ADAMTS17: variants seen among roughly 807,000 people sequenced by gnomAD.
The protein encoded by ADAMTS17 is A disintegrin and metalloproteinase with thrombospondin motifs 17.
A neutral mutation model predicts 141.5 loss-of-function variants in ADAMTS17; 113 were observed. The observed-to-expected ratio is 0.80, with a 90% confidence interval of 0.69 to 0.93. The LOEUF (loss-of-function observed/expected upper bound fraction) is 0.93. ADAMTS17 is among the 40% of genes least tolerant of loss of function. The pLI is 0.00. For synonymous variants in ADAMTS17, 768 were observed against 630.6 expected (o/e 1.22, Z -3.27); for missense variants, 1,659 against 1,517.9 (o/e 1.09, Z -1.54).
chr15:100,232,015 C>A (rs926889869), intron 7 of ADAMTS17, among the ~76,000 whole-genome samples: 4 of 152,140 alleles, frequency 2.6e-5, no homozygotes, highest in Admixed American at 6.5e-5. Context: ...TAGAACTCAA[C>A]AGAGTAACAA....
chr15:99,978,183 G>T (rs1355638736), intron 20 of ADAMTS17, among the ~76,000 whole-genome samples: 40 of 152,210 alleles, frequency 2.6e-4, no homozygotes, highest in Non-Finnish European at 1.5e-4. Flanking sequence ...GACACAGGCT[G>T]CGTGGGAGGC....
At chr15:100,263,006 A>G (rs190001737) in intron 4 of ADAMTS17, among the ~76,000 whole-genome samples, 1 of 152,342 alleles carries the variant, frequency 6.6e-6, no homozygotes, top group East Asian at 1.9e-4. Context: ...ACGTGTGCAA[A>G]CATACATATA....
rs201157118 is a variant in ADAMTS17, at chr15:100,261,574, G to A, written c.936C>T (p.Asn312=). The A allele has an allele frequency of 1.5e-5, 25 of 1,614,098 alleles. No homozygotes were observed. The highest frequency in any genetic ancestry group is 5.5e-5 in the South Asian group (5 of 91,066). Residue 312 remains asparagine (N), a synonymous_variant, in exon 6 of 22, where the codon AAC becomes AAT. Transcript: ENST00000268070. ...RSLESFCHWQ[N]EEYGGARYLG... ...GGTATCGCGCTCCTCCATACTCCTC[G>A]TTCTGCCAGTGACAGAAGCTCTCCA...
Position 100,341,518 on chromosome 15 carries a change from G to A in ADAMTS17, c.80-109C>T, listed in dbSNP as rs942605812. Reference sequence around the variant, plus strand: ...GGGGACAGCGCGACCCGGAGCCGGCGCTGCCTTCCCTTCCCTCGCCCGGCA... The same window carrying A: ...GGGGACAGCGCGACCCGGAGCCGGCACTGCCTTCCCTTCCCTCGCCCGGCA... On this transcript the variant is annotated intron_variant, in intron 1 of 21. Coordinates refer to ENST00000268070, the MANE Select transcript of ADAMTS17 (RefSeq NM_139057.4). The A allele has an allele frequency of 3.1e-6, 3 of 967,252 alleles. No individual in the cohort carries two copies. The African/African-American group carries it at 5.3e-5, about 17-fold the overall frequency. The allele number at this position is 967,252 out of a possible 1,614,324, so 59.9% of individuals were successfully genotyped here.
intron 8 of ADAMTS17, among the ~76,000 whole-genome samples, chr15:100,173,725 C>G (rs1306426801): frequency 6.6e-6 from 1 of 152,236 alleles, no homozygotes; most frequent in African/African-American, 2.4e-5. Flanking sequence ...GCTATTACTG[C>G]TGGCTGCATG....
At chr15:99,977,376 ATATATATATATATATATATATATAATTT>A (rs1596135118) in intron 20 of ADAMTS17, among the ~76,000 whole-genome samples, 4 of 16,628 alleles carry the variant, frequency 2.4e-4, no homozygotes, top group African/African-American at 1.3e-3. Flanking sequence ...ATATATATAT[ATATATATATATATATATATATATAATTT>A]TTTTTTTTTT....
chr15:100,152,043 C>G (rs892329355), intron 10 of ADAMTS17, among the ~76,000 whole-genome samples: 12 of 152,188 alleles, frequency 7.9e-5, no homozygotes, highest in Non-Finnish European at 1.6e-4. Flanking sequence ...ATGGTGAAGA[C>G]TAATTGGGAT....
intron 8 of ADAMTS17, among the ~76,000 whole-genome samples, chr15:100,181,171 G>A (rs139015624): frequency 4.7e-4 from 71 of 152,236 alleles, no homozygotes; most frequent in African/African-American, 1.5e-3. Flanking sequence ...TTCAGTTTGT[G>A]GTGAATGCTG....
At position 100,341,365 on chromosome 15, in the gene ADAMTS17, GCCACGGGAGCACCACCT is replaced by G. The variant is rs2046361644; in HGVS notation, c.107_123del (p.Glu36AlafsTer152). 9.8e-7 allele frequency: 1 copy of G among 1,017,846 alleles called. No individual in the cohort carries two copies. Among genetic ancestry groups the G allele is most frequent in the Non-Finnish European group, 1.2e-6 (1 of 853,178 alleles). 63.1% of individuals were successfully genotyped at this position (1,017,846 alleles called of 1,614,324 possible). A position where few individuals can be genotyped will look rare whatever the true frequency, so the allele number is the denominator to read the frequency against. The stretch of plus-strand genomic sequence containing the variant: ...AGGTGCACGTCGTCGGGGCGCACCC[GCCACGGGAGCACCACCT>G]CCACGTCGGCCGCCGCGTCGCCGAC... On this transcript the variant is annotated frameshift_variant, in exon 2 of 22. Transcript: ENST00000268070. LOFTEE classifies it high-confidence loss of function.
At chr15:100,082,342 G>A (rs1465447966) in intron 15 of ADAMTS17, among the ~76,000 whole-genome samples, 1 of 151,698 alleles carries the variant, frequency 6.6e-6, no homozygotes, top group Non-Finnish European at 1.5e-5. Context: ...GGGATTACAG[G>A]CGTGAGCCAC....
intron 14 of ADAMTS17, among the ~76,000 whole-genome samples, chr15:100,102,796 G>A (rs1175405419): frequency 1.3e-5 from 2 of 152,132 alleles, no homozygotes; most frequent in Non-Finnish European, 1.5e-5. Flanking sequence ...CTGGAAAGCA[G>A]CTCCCTAACA....
At chr15:100,122,493 G>A (rs936274725) in intron 12 of ADAMTS17, among the ~76,000 whole-genome samples, 3 of 152,130 alleles carry the variant, frequency 2.0e-5, no homozygotes, top group African/African-American at 7.2e-5. Context: ...ATCAATGCGG[G>A]CCTCCTGCAT....
intron 13 of ADAMTS17, among the ~76,000 whole-genome samples, chr15:100,114,175 T>TA (rs1169414494): frequency 0.017 from 2,021 of 118,014 alleles, 46 homozygotes; most frequent in African/African-American, 0.057. Flanking sequence ...TTTTTTTTTT[T>TA]AAAAAAAGGA....
intron 3 of ADAMTS17, among the ~76,000 whole-genome samples, chr15:100,320,370 C>G (rs916224877): frequency 3.3e-5 from 5 of 152,150 alleles, no homozygotes; most frequent in Non-Finnish European, 7.3e-5. Flanking sequence ...TGCTGCAGAA[C>G]CCAACAACAG....
chr15:100,115,731 T>G (rs1346257854), intron 13 of ADAMTS17, among the ~76,000 whole-genome samples: 1 of 152,206 alleles, frequency 6.6e-6, no homozygotes, highest in Non-Finnish European at 1.5e-5. Flanking sequence ...ACATAAGACC[T>G]GGCATCAGAA....
intron 14 of ADAMTS17, among the ~76,000 whole-genome samples, chr15:100,105,845 A>G (rs996111157): frequency 1.3e-5 from 2 of 151,926 alleles, no homozygotes; most frequent in African/African-American, 2.4e-5. Flanking sequence ...CCATCACCAC[A>G]TCCAGCTAAT....
intron 17 of ADAMTS17, among the ~76,000 whole-genome samples, chr15:100,050,359 G>A (rs1050831539): frequency 6.6e-6 from 1 of 152,210 alleles, no homozygotes; most frequent in African/African-American, 2.4e-5. Flanking sequence ...AGAGGTAGAT[G>A]TGTCAGCTGG....
intron 15 of ADAMTS17, 81 bp from the exon 16 acceptor site, chr15:100,054,135 C>T (rs1297279119): frequency 1.9e-6 from 3 of 1,545,842 alleles, no homozygotes; most frequent in Admixed American, 1.7e-5. Flanking sequence ...AATCTACAGC[C>T]CCTGAGTGGG....
At chr15:100,241,306 T>C (rs1190553390) in intron 7 of ADAMTS17, among the ~76,000 whole-genome samples, 1 of 152,294 alleles carries the variant, frequency 6.6e-6, no homozygotes, top group South Asian at 2.1e-4. Context: ...CCCTGGCAGG[T>C]CACCTGCCAA....
Sources: allele counts gnomAD v4.1 joint callset (sites outside exome capture counted in the v4.1 genomes callset), GRCh38; gene constraint gnomAD v4.1.1; transcripts MANE v1.5; gene names NCBI Gene and HGNC (gene_info 2026-07-23, HGNC 2026-07-21).